CAPN6: variants seen among roughly 807,000 people sequenced by gnomAD.
The protein encoded by CAPN6 is calpain-6.
Under a neutral mutation model 46.0 loss-of-function variants are expected in CAPN6, and 16 were observed. That is an observed-to-expected ratio of 0.35 (90% CI 0.24 to 0.53). The LOEUF (loss-of-function observed/expected upper bound fraction) is 0.53, where lower values mean the gene tolerates loss of function less well. Ranked by LOEUF, CAPN6 falls within the 20% of genes least tolerant of loss-of-function variation. The pLI is 0.94. For missense variants in CAPN6, 461 were observed against 498.0 expected (o/e 0.93, Z 0.71); for synonymous variants, 206 against 172.8 (o/e 1.19, Z -1.51).
intron 2 of CAPN6, among the ~76,000 whole-genome samples, chrX:111,259,003 G>A (rs941166233): frequency 1.8e-5 from 2 of 111,531 alleles, no homozygotes; most frequent in African/African-American, 3.3e-5. Context: ...GAAACCAAAA[G>A]TACATTAGTG....
chrX:111,263,176 A>T (rs755906321), intron 2 of CAPN6, among the ~76,000 whole-genome samples: 14 of 112,097 alleles, frequency 1.2e-4, no homozygotes, highest in Non-Finnish European at 2.3e-4. Flanking sequence ...TTGTACAGAA[A>T]TATTCATAGC....
chrX:111,251,130 A>G, intron 7 of CAPN6, 27 bp from the exon 8 acceptor site: 1 of 1,208,691 alleles, frequency 8.3e-7, no homozygotes, highest in Non-Finnish European at 1.1e-6. Context: ...CAGGAAAAAA[A>G]TAAAGATGGT....
At chrX:111,252,615 G>T in intron 4 of CAPN6, 116 bp from the exon 5 acceptor site, 1 of 533,757 alleles carries the variant, frequency 1.9e-6, no homozygotes, top group Non-Finnish European at 2.9e-6. Flanking sequence ...CTTTTCTCTA[G>T]GTATGAAATG....
chrX:111,250,340 G>A (rs1031146468), intron 8 of CAPN6, among the ~76,000 whole-genome samples: 10 of 111,408 alleles, frequency 9.0e-5, no homozygotes, highest in Non-Finnish European at 1.3e-4. Context: ...TGGAGTGTGC[G>A]TGGACTTGAC....
rs921083346 is a variant in CAPN6, at chrX:111,246,598, G to A, written c.1905C>T (p.Ser635=). ...AGATTTAGAGCTCAGTGAGATCATC[G>A]CTGGAAATAACCTTGAAGCTGATGT... is the stretch of plus-strand genomic sequence containing the variant. ...QGHISFKVIS[S]DDLTEL Residue 635 remains serine (S), a synonymous_variant, in exon 13 of 13, where the codon AGC becomes AGT. Transcript: ENST00000324068. 2.3e-5 allele frequency: 28 copies of A among 1,208,402 alleles called. No homozygotes were observed. The highest frequency in any genetic ancestry group is 2.3e-4 in the Middle Eastern group (1 of 4,365).
At chrX:111,264,926 G>T (rs1218349977) in intron 1 of CAPN6, among the ~76,000 whole-genome samples, 1 of 111,715 alleles carries the variant, frequency 9.0e-6, no homozygotes, top group Non-Finnish European at 1.9e-5. Flanking sequence ...GATTTGTAAT[G>T]ATTTTAATGA....
intron 2 of CAPN6, among the ~76,000 whole-genome samples, chrX:111,261,210 G>A (rs2094987720): frequency 8.9e-6 from 1 of 112,521 alleles, no homozygotes; most frequent in Non-Finnish European, 1.9e-5. Flanking sequence ...GAAAACTTAT[G>A]CAGGCTTTGC....
intron 6 of CAPN6, 61 bp downstream of exon 6, chrX:111,251,488 A>T (rs891805502): frequency 9.9e-7 from 1 of 1,014,099 alleles, no homozygotes; most frequent in Non-Finnish European, 1.4e-6. Flanking sequence ...GTCTGGAGGG[A>T]TGGGTCTGGG....
At position 111,250,907 on chromosome X, in the gene CAPN6, T is replaced by G; in HGVS notation, c.1158+10A>C. 1 of 1,202,366 alleles carries G rather than the reference T, an allele frequency of 8.3e-7. No homozygotes were observed. The highest frequency in any genetic ancestry group is 1.1e-6 in the Non-Finnish European group (1 of 889,555). On this transcript the variant is annotated intron_variant, in intron 8 of 12. Coordinates refer to ENST00000324068, the MANE Select transcript of CAPN6 (RefSeq NM_014289.4). ...ATAACTTTGAGGCAAATAAAGTAAT[T>G]GACTCAAACCTGGGGATTCTGCAGG...
chrX:111,257,371 C>T (rs1015786584), intron 2 of CAPN6, among the ~76,000 whole-genome samples: 5 of 112,070 alleles, frequency 4.5e-5, no homozygotes, highest in African/African-American at 1.6e-4. Context: ...CACTAATAGG[C>T]GTTAGTCTGC....
At position 111,245,905 on chromosome X, in the gene CAPN6, A is replaced by C. The variant is rs1484131564; in HGVS notation, c.*672T>G. 8.9e-6 allele frequency: 1 copy of C among 112,547 alleles called. No individual in the cohort carries two copies. Among genetic ancestry groups the C allele is most frequent in the African/African-American group, 3.3e-5 (1 of 30,683 alleles). The allele number at this position is 112,547 out of a possible 1,213,427, so 9.3% of individuals were successfully genotyped here. A position where few individuals can be genotyped will look rare whatever the true frequency, so the allele number is the denominator to read the frequency against. On this transcript the variant is annotated 3_prime_UTR_variant, in exon 13 of 13. Transcript: ENST00000324068. ...GCTCAGGCCCCTCTCACTGTCTAGG[A>C]CTCATTGAACTCCAGCTCTTGATTA...
rs1224966198 is a variant in CAPN6 at position 111,253,038 on chromosome X, CA to C, written c.475del (p.Trp159GlyfsTer13). ...FSFSTSMNEF[W>X]NALLEKAYAK... ...ATAAGCTTTTTCCAGCAGAGCATTC[CA>C]AAACTCATTCATGGAAGTGGAGAAA... On this transcript the variant is annotated frameshift_variant, in exon 4 of 13. Transcript: ENST00000324068. LOFTEE classifies it high-confidence loss of function. The C allele has an allele frequency of 1.7e-6, 2 of 1,211,258 alleles. No homozygotes were observed. Among genetic ancestry groups the C allele is most frequent in the Non-Finnish European group, 2.2e-6 (2 of 895,014 alleles).
chrX:111,251,425 C>G lies in CAPN6; in HGVS notation c.893+124G>C, dbSNP rs747678060. 23 of 888,365 alleles carry G rather than the reference C, an allele frequency of 2.6e-5. No individual in the cohort carries two copies. The East Asian group carries it at 6.5e-4, about 25-fold the overall frequency. 73.2% of individuals were successfully genotyped at this position (888,365 alleles called of 1,213,427 possible). On this transcript the variant is annotated intron_variant, in intron 6 of 12. Coordinates refer to ENST00000324068, the MANE Select transcript of CAPN6 (RefSeq NM_014289.4). ...TTCATCTGCGGCTGGGTCACAGACC[C>G]CGTGCCTGACAAAAGCCCACAGATG...
chrX:111,268,048 C>T (rs903851755), intron 1 of CAPN6, among the ~76,000 whole-genome samples: 2 of 111,608 alleles, frequency 1.8e-5, no homozygotes, highest in Non-Finnish European at 3.8e-5. Flanking sequence ...AGCTTACATA[C>T]ATGGGCACGC....
At position 111,251,298 on chromosome X, in the gene CAPN6, TAGAA is replaced by T; in HGVS notation, c.894-16_894-13del. The T allele has an allele frequency of 9.1e-7, 1 of 1,104,770 alleles. No individual in the cohort carries two copies. The highest frequency in any genetic ancestry group is 1.2e-6 in the Non-Finnish European group (1 of 842,455). The allele number at this position is 1,104,770 out of a possible 1,213,427, so 91.0% of individuals were successfully genotyped here. A position where few individuals can be genotyped will look rare whatever the true frequency, so the allele number is the denominator to read the frequency against. On this transcript the variant is annotated splice_polypyrimidine_tract_variant and intron_variant, in intron 6 of 12. Coordinates refer to ENST00000324068, the MANE Select transcript of CAPN6 (RefSeq NM_014289.4). ...GCCACTCTTCAGAACTGAAAGTAAA[TAGAA>T]AAAAAAAAAAAAGATAAATCATTAT...
At chrX:111,252,543 C>T in intron 4 of CAPN6, 44 bp from the exon 5 acceptor site, 1 of 1,068,052 alleles carries the variant, frequency 9.4e-7, no homozygotes, top group Non-Finnish European at 1.3e-6. Context: ...ATTGTTTTTC[C>T]AGGTCAAGAA....
chrX:111,267,044 A>G (rs1288622806), intron 1 of CAPN6, among the ~76,000 whole-genome samples: 1 of 112,127 alleles, frequency 8.9e-6, no homozygotes, highest in East Asian at 2.8e-4. Context: ...ACTCTGTTGG[A>G]ACGGATGAGT....
chrX:111,259,123 T>C (rs747357430), intron 2 of CAPN6, among the ~76,000 whole-genome samples: 1 of 112,659 alleles, frequency 8.9e-6, no homozygotes, highest in South Asian at 3.7e-4. Context: ...TGTGGTAATG[T>C]TTGCACAACT....
intron 1 of CAPN6, among the ~76,000 whole-genome samples, chrX:111,268,911 T>C (rs2094993997): frequency 8.9e-6 from 1 of 111,816 alleles, no homozygotes. Context: ...CCACAATTTG[T>C]TGTAAGGTGG....
Sources: gnomAD v4.1 joint callset for allele counts (sites outside exome capture counted in the v4.1 genomes callset) on GRCh38, gnomAD v4.1.1 for gene constraint, MANE v1.5 for transcripts, NCBI Gene and HGNC (gene_info 2026-07-23, HGNC 2026-07-21) for gene names.